SPARCL1: variants seen among roughly 807,000 people sequenced by gnomAD.
The protein encoded by SPARCL1 is SPARC-like protein 1.
In SPARCL1, 52 loss-of-function variants were observed where a neutral mutation model predicts 67.1. The ratio of observed to expected loss-of-function variants is 0.78; its 90% CI spans 0.62 to 0.98. SPARCL1 has a LOEUF of 0.98. SPARCL1 is among the 50% of genes least tolerant of loss of function. The probability of loss-of-function intolerance (pLI) is 0.00; values close to 1 mark genes in which losing one functional copy is unlikely to be tolerated. For synonymous variants in SPARCL1, 226 were observed against 267.8 expected, an observed-to-expected ratio of 0.84 and a Z score of 1.52; for missense variants, 717 against 782.4, an observed-to-expected ratio of 0.92 and a Z score of 1.00.
chr4:87,529,346 C>T lies in SPARCL1; in HGVS notation c.-313G>A, dbSNP rs1726181411. The T allele has an allele frequency of 1.3e-5, 2 of 152,274 alleles. No individual in the cohort carries two copies. The highest frequency in any genetic ancestry group is 2.1e-4 in the South Asian group (1 of 4,822). The allele number at this position is 152,274 out of a possible 1,614,324, so 9.4% of individuals were successfully genotyped here. A position where few individuals can be genotyped will look rare whatever the true frequency, so the allele number is the denominator to read the frequency against. On this transcript the variant is annotated 5_prime_UTR_variant, in exon 1 of 11. Coordinates refer to ENST00000282470, the MANE Select transcript of SPARCL1 (RefSeq NM_004684.6). ...TCCTGGATTTCCCTAGCAGGCTGGC[C>T]TCTCATGCGAGGGCTTTACAGGCAG...
At chr4:87,491,175 A>T (rs1176474858) in intron 5 of SPARCL1, among the ~76,000 whole-genome samples, 2 of 152,194 alleles carry the variant, frequency 1.3e-5, no homozygotes, top group African/African-American at 4.8e-5. Flanking sequence ...TATGCCTGAG[A>T]TGGTCATAGT....
intron 10 of SPARCL1, among the ~76,000 whole-genome samples, chr4:87,474,863 C>T (rs948476738): frequency 1.3e-5 from 2 of 152,030 alleles, no homozygotes; most frequent in African/African-American, 4.8e-5. Context: ...CTGCCTCAGC[C>T]TCCCGAGTGG....
At position 87,486,888 on chromosome 4, in the gene SPARCL1, C is replaced by CTTTTTT. The variant is rs57597004; in HGVS notation, c.1531+3379_1531+3384dup. Among the ~76,000 whole-genome samples, 9 of 27,990 alleles carry CTTTTTT rather than the reference C, an allele frequency of 3.2e-4. 1 individual carries two copies. The highest frequency in any genetic ancestry group is 7.9e-4 in the African/African-American group (6 of 7,612). The allele number at this position is 27,990 out of a possible 152,430, so 18.4% of individuals were successfully genotyped here. Reference sequence around the variant, plus strand: ...TCTGAGGCTAGTATTGCAATTCCTGCTTTTTTTTTTTTTTTTTTTTTTTTT... The same window carrying CTTTTTT: ...TCTGAGGCTAGTATTGCAATTCCTGCTTTTTTTTTTTTTTTTTTTTTTTTTTTTTTT... On this transcript the variant is annotated intron_variant, in intron 7 of 10. Coordinates refer to ENST00000282470, the MANE Select transcript of SPARCL1 (RefSeq NM_004684.6).
intron 1 of SPARCL1, among the ~76,000 whole-genome samples, chr4:87,519,483 A>T (rs948498479): frequency 3.9e-5 from 6 of 152,178 alleles, no homozygotes; most frequent in Admixed American, 1.3e-4. Context: ...TGGGTTCATT[A>T]ACTCTGTAGC....
At chr4:87,511,197 C>T (rs1351184881) in intron 1 of SPARCL1, among the ~76,000 whole-genome samples, 2 of 151,960 alleles carry the variant, frequency 1.3e-5, no homozygotes, top group African/African-American at 4.8e-5. Context: ...TGCTCATTTA[C>T]CAAAACACAA....
chr4:87,527,366 T>A (rs17012816), intron 1 of SPARCL1, among the ~76,000 whole-genome samples: 1 of 151,852 alleles, frequency 6.6e-6, no homozygotes, highest in Non-Finnish European at 1.5e-5. Flanking sequence ...GTGAGGACTA[T>A]GTGCACTTCA....
At chr4:87,483,259 C>A (rs1014474174) in intron 7 of SPARCL1, among the ~76,000 whole-genome samples, 13 of 152,106 alleles carry the variant, frequency 8.5e-5, no homozygotes, top group African/African-American at 3.1e-4. Context: ...CTGACAGGCC[C>A]TGGTATATGA....
chr4:87,497,948 G>T (rs1439896257), intron 2 of SPARCL1, among the ~76,000 whole-genome samples: 2 of 152,022 alleles, frequency 1.3e-5, no homozygotes, highest in Non-Finnish European at 2.9e-5. Context: ...TTGTAGAGAC[G>T]TGGCCTCACT....
chr4:87,524,315 C>A (rs1333787325), intron 1 of SPARCL1, among the ~76,000 whole-genome samples: 1 of 152,142 alleles, frequency 6.6e-6, no homozygotes, highest in Non-Finnish European at 1.5e-5. Context: ...ATTTGACTCA[C>A]TGGGAATTCT....
At chr4:87,493,367 A>T (rs1265656078) in intron 4 of SPARCL1, among the ~76,000 whole-genome samples, 1 of 152,154 alleles carries the variant, frequency 6.6e-6, no homozygotes, top group Non-Finnish European at 1.5e-5. Context: ...AATAAACAAC[A>T]CTCAAATCCA....
intron 1 of SPARCL1, among the ~76,000 whole-genome samples, chr4:87,522,911 G>A (rs937841139): frequency 6.6e-6 from 1 of 152,148 alleles, no homozygotes; most frequent in South Asian, 2.1e-4. Context: ...ATATTCAAGT[G>A]CTTCCAAAGT....
At chr4:87,486,098 C>T (rs1415932819) in intron 7 of SPARCL1, among the ~76,000 whole-genome samples, 1 of 151,990 alleles carries the variant, frequency 6.6e-6, no homozygotes, top group East Asian at 1.9e-4. Flanking sequence ...TATTTCTTGT[C>T]TTCTGCTAGC....
intron 8 of SPARCL1, 99 bp from the exon 9 acceptor site, chr4:87,480,619 A>G: frequency 8.8e-7 from 1 of 1,137,748 alleles, no homozygotes. Context: ...GTAACACGAT[A>G]GGGGAAAACA....
Position 87,475,568 on chromosome 4 carries a change from T to A in SPARCL1, c.1967-1765A>T, listed in dbSNP as rs527811167. ...TCAATTATTCTCTGTATGCTTATAA[T>A]CCTCAAATATGCATTTCAGTTCCAA... is the stretch of plus-strand genomic sequence containing the variant. On this transcript the variant is annotated intron_variant, in intron 10 of 10. Coordinates refer to ENST00000282470, the MANE Select transcript of SPARCL1 (RefSeq NM_004684.6). Among the ~76,000 whole-genome samples the A allele has an allele frequency of 2.0e-5, 3 of 152,320 alleles. No homozygotes were observed. The South Asian group carries it at 6.2e-4, about 32-fold the overall frequency.
At chr4:87,520,942 A>G (rs1725786504) in intron 1 of SPARCL1, among the ~76,000 whole-genome samples, 4 of 152,240 alleles carry the variant, frequency 2.6e-5, no homozygotes, top group Admixed American at 2.6e-4. Context: ...GAGGGTGTCT[A>G]AAGTTTGGCA....
chr4:87,496,862 G>T (rs990479620), intron 2 of SPARCL1, among the ~76,000 whole-genome samples: 1 of 151,958 alleles, frequency 6.6e-6, no homozygotes, highest in Non-Finnish European at 1.5e-5. Flanking sequence ...TGGAGTACAG[G>T]ATTTATTTTT....
In SPARCL1 at chr4:87,493,774, A is replaced by G; in HGVS notation, c.1026T>C (p.Asp342=). ...PRNHGVDDDG[D]DDGDDGGTDG... ...CAGTGCCGCCATCATCGCCATCATC[A>G]TCGCCATCATCATCAACTCCATGAT... Residue 342 remains aspartate (D), a synonymous_variant, in exon 4 of 11, where the codon GAT becomes GAC. Transcript: ENST00000282470. The G allele has an allele frequency of 1.2e-6, 2 of 1,614,096 alleles. No homozygotes were observed. The highest frequency in any genetic ancestry group is 1.7e-6 in the Non-Finnish European group (2 of 1,179,968).
chr4:87,490,615 A>C (rs897751649), intron 6 of SPARCL1, 145 bp downstream of exon 6: 3 of 759,226 alleles, frequency 4.0e-6, no homozygotes, highest in African/African-American at 3.5e-5. Context: ...GTAGAATGAA[A>C]ACTGCAGATG....
At chr4:87,488,580 C>T (rs1255647385) in intron 7 of SPARCL1, among the ~76,000 whole-genome samples, 1 of 152,190 alleles carries the variant, frequency 6.6e-6, no homozygotes, top group Non-Finnish European at 1.5e-5. Context: ...GTCAGGGACC[C>T]ACTTGAGGAG....
Sources: gnomAD v4.1 joint callset for allele counts (sites outside exome capture counted in the v4.1 genomes callset) on GRCh38, gnomAD v4.1.1 for gene constraint, MANE v1.5 for transcripts, NCBI Gene and HGNC (gene_info 2026-07-23, HGNC 2026-07-21) for gene names.